THADA: variants seen among roughly 807,000 people sequenced by gnomAD.
THADA encodes tRNA (32-2'-O)-methyltransferase regulator THADA.
Under a neutral mutation model 219.8 loss-of-function variants are expected in THADA, and 213 were observed. The observed-to-expected ratio is 0.97, with a 90% CI of 0.87 to 1.09. The LOEUF (loss-of-function observed/expected upper bound fraction) is 1.09, where lower values mean the gene tolerates loss of function less well. Among genes scored for constraint, THADA ranks in the 50% least tolerant of loss-of-function variants. The pLI is 0.00. For synonymous variants in THADA, 1,018 were observed against 828.9 expected (o/e 1.23, Z -3.92); for missense variants, 2,956 against 2,311.3 (o/e 1.28, Z -5.72).
chr2:43,235,388 G>A (rs2104019637), intron 36 of THADA, among the ~76,000 whole-genome samples: 1 of 152,144 alleles, frequency 6.6e-6, no homozygotes, highest in African/African-American at 2.4e-5. Flanking sequence ...CCGCTTCCCA[G>A]GTTTAAGAGA....
rs2104714410 is a variant in THADA, at chr2:43,397,881, G to A, written c.4227+90C>T. ...TCTACAGATAAAGTTAAGAGGCTGT[G>A]TATCAAATCTTCACCAGCTAACAGT... On this transcript the variant is annotated intron_variant, in intron 29 of 37. Transcript: ENST00000405975. 7 of 1,345,308 alleles carry A rather than the reference G, an allele frequency of 5.2e-6. No individual in the cohort carries two copies. In the South Asian group the frequency reaches 8.3e-5, roughly 16 times the overall value. The allele number at this position is 1,345,308 out of a possible 1,614,324, so 83.3% of individuals were successfully genotyped here. A position where few individuals can be genotyped will look rare whatever the true frequency, so the allele number is the denominator to read the frequency against.
intron 28 of THADA, 28 bp downstream of exon 28, chr2:43,428,072 A>G: frequency 6.5e-7 from 1 of 1,530,252 alleles, no homozygotes; most frequent in Non-Finnish European, 8.8e-7. Flanking sequence ...ACGCCAACCT[A>G]GACAATTTCT....
chr2:43,418,411 G>T (rs541472870), intron 28 of THADA, among the ~76,000 whole-genome samples: 1 of 152,148 alleles, frequency 6.6e-6, no homozygotes, highest in African/African-American at 2.4e-5. Flanking sequence ...CACTGACAGC[G>T]GGAGGAACCT....
At chr2:43,299,375 C>G (rs1572972864) in intron 31 of THADA, among the ~76,000 whole-genome samples, 1 of 152,118 alleles carries the variant, frequency 6.6e-6, no homozygotes, top group South Asian at 2.1e-4. Context: ...CTATAAAAAT[C>G]TAGCCGGGCG....
intron 27 of THADA, among the ~76,000 whole-genome samples, chr2:43,429,825 T>G (rs1679003996): frequency 6.6e-6 from 1 of 151,756 alleles, no homozygotes; most frequent in Non-Finnish European, 1.5e-5. Flanking sequence ...AACCAAGCAA[T>G]ATGATATAAT....
chr2:43,395,162 T>C (rs937681715), intron 29 of THADA, among the ~76,000 whole-genome samples: 1 of 152,148 alleles, frequency 6.6e-6, no homozygotes, highest in Non-Finnish European at 1.5e-5. Context: ...CCAAACTACT[T>C]GGATAAAGTT....
At chr2:43,457,088 G>T (rs1014438885) in intron 26 of THADA, among the ~76,000 whole-genome samples, 2 of 141,354 alleles carry the variant, frequency 1.4e-5, no homozygotes, top group Non-Finnish European at 3.1e-5. Context: ...CTATGAAGTG[G>T]GATAGAATGT....
intron 21 of THADA, among the ~76,000 whole-genome samples, chr2:43,537,192 C>T (rs1694719089): frequency 6.6e-6 from 1 of 152,208 alleles, no homozygotes; most frequent in Non-Finnish European, 1.5e-5. Flanking sequence ...AATTTTCTAC[C>T]ACTCAGATAT....
At position 43,432,115 on chromosome 2, in the gene THADA, C is replaced by G. The variant is rs550046465; in HGVS notation, c.3837-1813G>C. On this transcript the variant is annotated intron_variant, in intron 26 of 37. Transcript: ENST00000405975. ...TCGTGATCCGCCCGCCTCGGCCTCC[C>G]AAAGTGCTGGGATTACAGGCGTGAG... is the stretch of plus-strand genomic sequence containing the variant. Among the ~76,000 whole-genome samples, 69 of 139,776 alleles carry G rather than the reference C, an allele frequency of 4.9e-4. 4 individuals carry two copies. The highest frequency in any genetic ancestry group is 3.2e-3 in the South Asian group (14 of 4,376). The allele number at this position is 139,776 out of a possible 152,430, so 91.7% of individuals were successfully genotyped here.
rs749903496 is a variant in THADA, at chr2:43,571,767, T to C, written c.2004A>G (p.Thr668=). The stretch of plus-strand genomic sequence containing the variant: ...CTGGAGACTGGCTGTTAAGATTGTA[T>C]GTAATAAAGAACTGAATCCACTGCA... ...EEMQWIQFFI[T]YNLNSQSPGV... Residue 668 remains threonine, a synonymous_variant, in exon 13 of 38, where the codon ACA becomes ACG. Transcript: ENST00000405975. The C allele has an allele frequency of 8.7e-6, 14 of 1,613,946 alleles. No individual in the cohort carries two copies. Among genetic ancestry groups the C allele is most frequent in the South Asian group, 6.6e-5 (6 of 91,088 alleles).
intron 26 of THADA, among the ~76,000 whole-genome samples, chr2:43,477,738 C>G (rs1411759709): frequency 6.6e-6 from 1 of 152,248 alleles, no homozygotes; most frequent in East Asian, 1.9e-4. Flanking sequence ...GTCTCAGAAC[C>G]TACTACAGTG....
chr2:43,328,921 C>G (rs1679644376), intron 30 of THADA, among the ~76,000 whole-genome samples: 1 of 152,160 alleles, frequency 6.6e-6, no homozygotes, highest in African/African-American at 2.4e-5. Flanking sequence ...CCCCAGGGAG[C>G]CTCCAGAATC....
At position 43,354,839 on chromosome 2, in the gene THADA, T is replaced by C. The variant is rs139791511; in HGVS notation, c.4228-10602A>G. Among the ~76,000 whole-genome samples, 911 of 152,266 alleles carry C rather than the reference T, an allele frequency of 6.0e-3. 12 individuals are homozygous for C. Among genetic ancestry groups the C allele is most frequent in the African/African-American group, 0.02 (836 of 41,538 alleles). Reference sequence around the variant, plus strand: ...GAGGGAGGGACCCAGAGGGAGGTAATTGAATCATGGGGGTGGTTATCCTCA... The same window carrying C: ...GAGGGAGGGACCCAGAGGGAGGTAACTGAATCATGGGGGTGGTTATCCTCA... On this transcript the variant is annotated intron_variant, in intron 29 of 37. Transcript: ENST00000405975.
intron 29 of THADA, among the ~76,000 whole-genome samples, chr2:43,385,194 TG>T (rs1349026399): frequency 6.6e-6 from 1 of 151,688 alleles, no homozygotes; most frequent in East Asian, 1.9e-4. Flanking sequence ...AAAAACAATT[TG>T]GTAATTGGAC....
intron 29 of THADA, among the ~76,000 whole-genome samples, chr2:43,360,491 T>C (rs1573262221): frequency 3.3e-5 from 5 of 152,324 alleles, no homozygotes; most frequent in Admixed American, 3.3e-4. Flanking sequence ...CACCAGCCTT[T>C]TAAGTCCTAG....
chr2:43,271,561 T>A (rs1471292968), intron 36 of THADA, among the ~76,000 whole-genome samples: 1 of 151,892 alleles, frequency 6.6e-6, no homozygotes, highest in Non-Finnish European at 1.5e-5. Context: ...TGTGCCAAGT[T>A]CTGAGAATAT....
At position 43,429,067 on chromosome 2, in the gene THADA, C is replaced by T. The variant is rs114489008; in HGVS notation, c.3927-836G>A. On this transcript the variant is annotated intron_variant, in intron 27 of 37. Transcript: ENST00000405975. ...TACAAAAGACATGCTTTATGATGTC[C>T]ATACTAAAAATTCCACTACCAGCTT... Among the ~76,000 whole-genome samples the T allele has an allele frequency of 4.3e-3, 659 of 151,998 alleles. 5 individuals are homozygous for T. Among genetic ancestry groups the T allele is most frequent in the African/African-American group, 0.015 (626 of 41,472 alleles).
At chr2:43,264,787 G>A (rs1255983130) in intron 36 of THADA, among the ~76,000 whole-genome samples, 1 of 152,180 alleles carries the variant, frequency 6.6e-6, no homozygotes, top group Non-Finnish European at 1.5e-5. Flanking sequence ...AGCTGGAGAA[G>A]AACACAGGAA....
chr2:43,299,298 AG>A (rs1675970012), intron 31 of THADA, among the ~76,000 whole-genome samples: 1 of 152,238 alleles, frequency 6.6e-6, no homozygotes, highest in Non-Finnish European at 1.5e-5. Flanking sequence ...GAGCTGAGAA[AG>A]AAAAAGATCT....
Sources: gnomAD v4.1 joint callset for allele counts (sites outside exome capture counted in the v4.1 genomes callset) on GRCh38, gnomAD v4.1.1 for gene constraint, MANE v1.5 for transcripts, NCBI Gene and HGNC (gene_info 2026-07-23, HGNC 2026-07-21) for gene names.